The following CES5A variants were observed in gnomAD, a reference collection of about 807,000 sequenced individuals.
The protein encoded by CES5A is carboxylesterase 5.
In CES5A, 67 loss-of-function variants were observed where a neutral mutation model predicts 62.9. That is an observed-to-expected ratio of 1.07 (90% CI 0.88 to 1.31). The LOEUF is 1.31. Ranked by LOEUF, CES5A falls within the 50% of genes most tolerant of loss-of-function variation. The pLI is 0.00. For missense variants in CES5A, 748 were observed against 708.5 expected (o/e 1.06, Z -0.63); for synonymous variants, 296 against 280.8 (o/e 1.05, Z -0.54).
At chr16:55,873,677 C>G in intron 2 of CES5A, 156 bp downstream of exon 2, 1 of 665,008 alleles carries the variant, frequency 1.5e-6, no homozygotes, top group East Asian at 2.7e-5. Flanking sequence ...GTTTAGGAGT[C>G]AGGGGATTAC....
At chr16:55,867,029 A>AT (rs1290961742) in intron 4 of CES5A, among the ~76,000 whole-genome samples, 4 of 152,004 alleles carry the variant, frequency 2.6e-5, no homozygotes, top group Non-Finnish European at 5.9e-5. Flanking sequence ...TCTGCCCCTC[A>AT]AAAGCTGACC....
At chr16:55,893,452 G>A (rs1011735971) in intron 1 of CES5A, among the ~76,000 whole-genome samples, 1 of 152,052 alleles carries the variant, frequency 6.6e-6, no homozygotes, top group Non-Finnish European at 1.5e-5. Flanking sequence ...TGATTACTAT[G>A]AGCACATTTA....
intron 1 of CES5A, among the ~76,000 whole-genome samples, chr16:55,891,729 T>G (rs2033880982): frequency 1.3e-5 from 2 of 152,192 alleles, no homozygotes; most frequent in South Asian, 4.1e-4. Context: ...AGCTTGAATT[T>G]CTCTTTAGCT....
chr16:55,869,551 A>G (rs2033537930), intron 4 of CES5A, 60 bp downstream of exon 4: 1 of 1,584,240 alleles, frequency 6.3e-7, no homozygotes, highest in Admixed American at 1.7e-5. Flanking sequence ...GGCACTGTCT[A>G]TGGCTACTGC....
rs1441820190 is a variant in CES5A, at chr16:55,949,784, C to T, written c.160+1G>A. 90 of 1,437,274 alleles carry T rather than the reference C, an allele frequency of 6.3e-5. No homozygotes were observed. In the Admixed American group the frequency reaches 2.0e-3, roughly 31 times the overall value. The allele number at this position is 1,437,274 out of a possible 1,614,324, so 89.0% of individuals were successfully genotyped here. A position where few individuals can be genotyped will look rare whatever the true frequency, so the allele number is the denominator to read the frequency against. ...TGGTAAATTCTTGTCAAACAACTCA[C>T]CCTCATCTTTGGAAGTGTAGTTTAA... On this transcript the variant is annotated splice_donor_variant, in intron 2 of 13. Transcript: ENST00000521992. LOFTEE classifies it high-confidence loss of function.
intron 7 of CES5A, among the ~76,000 whole-genome samples, chr16:55,860,096 T>C (rs1380287117): frequency 2.0e-5 from 3 of 152,142 alleles, no homozygotes; most frequent in Admixed American, 2.0e-4. Context: ...ATTTGCATGA[T>C]AGTGAATAAA....
chr16:55,900,247 G>A (rs13339005), intron 1 of CES5A, among the ~76,000 whole-genome samples: 22,321 of 152,182 alleles, frequency 0.15, 1,721 homozygotes, highest in South Asian at 0.17. Flanking sequence ...CCCATCACAA[G>A]CTTGGGATGA....
intron 1 of CES5A, among the ~76,000 whole-genome samples, chr16:55,905,305 T>C (rs1251186001): frequency 2.0e-5 from 3 of 151,938 alleles, no homozygotes; most frequent in Admixed American, 1.3e-4. Flanking sequence ...GGTCCTCTGC[T>C]TCCCAGTTGC....
intron 1 of CES5A, among the ~76,000 whole-genome samples, chr16:55,914,382 AT>A (rs148825789): frequency 0.023 from 3,447 of 152,232 alleles, 135 homozygotes; most frequent in African/African-American, 0.077. Context: ...TGTCTGACCC[AT>A]TGGTTCAAAA....
At chr16:55,913,120 G>A (rs2034111165) in intron 1 of CES5A, among the ~76,000 whole-genome samples, 1 of 152,204 alleles carries the variant, frequency 6.6e-6, no homozygotes, top group Non-Finnish European at 1.5e-5. Flanking sequence ...TCAGGGATCA[G>A]AGTTTTTCAG....
chr16:55,931,066 G>A (rs775648501), intron 2 of CES5A, among the ~76,000 whole-genome samples: 4 of 152,180 alleles, frequency 2.6e-5, no homozygotes, highest in Non-Finnish European at 4.4e-5. Context: ...CAAGGCCCAG[G>A]TAGATAAAAT....
chr16:55,945,755 G>C (rs1206197447), intron 2 of CES5A, among the ~76,000 whole-genome samples: 2 of 152,342 alleles, frequency 1.3e-5, no homozygotes, highest in African/African-American at 4.8e-5. Flanking sequence ...GGAAGGGTCT[G>C]CAGATCTATT....
intron 2 of CES5A, among the ~76,000 whole-genome samples, chr16:55,946,783 T>C (rs769075299): frequency 6.6e-6 from 1 of 152,232 alleles, no homozygotes; most frequent in East Asian, 1.9e-4. Flanking sequence ...CTGATCTCAC[T>C]TGGGCTCAGC....
chr16:55,857,285 C>T (rs1301203228), intron 8 of CES5A, among the ~76,000 whole-genome samples: 4 of 152,160 alleles, frequency 2.6e-5, no homozygotes, highest in East Asian at 1.9e-4. Context: ...GAGAACTGAG[C>T]GAGTTGATAT....
chr16:55,848,638 T>C (rs2033066066), intron 11 of CES5A, among the ~76,000 whole-genome samples: 1 of 152,212 alleles, frequency 6.6e-6, no homozygotes, highest in Non-Finnish European at 1.5e-5. Flanking sequence ...CCGTGAACTA[T>C]CTGTTTCTAT....
At chr16:55,903,027 TGG>T (rs2142443392) in intron 1 of CES5A, among the ~76,000 whole-genome samples, 1 of 152,204 alleles carries the variant, frequency 6.6e-6, no homozygotes, top group Non-Finnish European at 1.5e-5. Flanking sequence ...ATAATTCTGA[TGG>T]GGGAATGGCC....
At chr16:55,914,153 G>A (rs2034121729) in intron 1 of CES5A, among the ~76,000 whole-genome samples, 1 of 152,148 alleles carries the variant, frequency 6.6e-6, no homozygotes, top group Non-Finnish European at 1.5e-5. Flanking sequence ...AACTTTTACA[G>A]GGCCTCCTAT....
intron 1 of CES5A, among the ~76,000 whole-genome samples, chr16:55,887,776 A>T (rs1307580389): frequency 1.3e-5 from 2 of 152,202 alleles, no homozygotes; most frequent in Non-Finnish European, 2.9e-5. Context: ...TCTGAGGCCA[A>T]ATTTACCAGT....
intron 1 of CES5A, among the ~76,000 whole-genome samples, chr16:55,882,296 A>G (rs1169282038): frequency 6.6e-6 from 1 of 152,210 alleles, no homozygotes; most frequent in Non-Finnish European, 1.5e-5. Flanking sequence ...ATGCATGGTC[A>G]CTTGGTGTCC....
Sources: gnomAD v4.1 joint callset for allele counts (sites outside exome capture counted in the v4.1 genomes callset) on GRCh38, gnomAD v4.1.1 for gene constraint, MANE v1.5 for transcripts, NCBI Gene and HGNC (gene_info 2026-07-23, HGNC 2026-07-21) for gene names.